Variants in AGAP1 observed in about 807,000 individuals in gnomAD.
The protein encoded by AGAP1 is arf-GAP with GTPase, ANK repeat and PH domain-containing protein 1.
AGAP1 carries 29 observed loss-of-function variants against 105.3 expected under a neutral mutation model. The observed-to-expected ratio is 0.28, with a 90% CI of 0.21 to 0.38. The LOEUF is 0.38. AGAP1 is among the 10% of genes least tolerant of loss of function. The pLI, the probability that AGAP1 is intolerant of heterozygous loss-of-function variation, is 1.00. For synonymous variants in AGAP1, 509 were observed against 485.9 expected (o/e 1.05, Z -0.63); for missense variants, 998 against 1,165.1 (o/e 0.86, Z 2.09).
chr2:235,893,281 G>A lies in AGAP1; in HGVS notation c.1155+9832G>A, dbSNP rs1320476422. Among the ~76,000 whole-genome samples the A allele has an allele frequency of 6.7e-6, 1 of 149,868 alleles. No homozygotes were observed. Among genetic ancestry groups the A allele is most frequent in the East Asian group, 2.0e-4 (1 of 4,940 alleles). Reference sequence around the variant, plus strand: ...ATCATAAGGAAGCGCCGTGTCTGTAGCGTGGGTGTAGCGTGTCTGTGGCGC... The same window carrying A: ...ATCATAAGGAAGCGCCGTGTCTGTAACGTGGGTGTAGCGTGTCTGTGGCGC... On this transcript the variant is annotated intron_variant, in intron 10 of 17. Coordinates refer to ENST00000304032, the MANE Select transcript of AGAP1 (RefSeq NM_001037131.3). The surrounding 1 kb of genome is among the most constrained non-coding windows in gnomAD (Gnocchi z 4.7).
intron 1 of AGAP1, among the ~76,000 whole-genome samples, chr2:235,605,262 C>T (rs1215090123): frequency 1.3e-5 from 2 of 152,192 alleles, no homozygotes; most frequent in Non-Finnish European, 2.9e-5. Flanking sequence ...TTTTCACATT[C>T]CAGGTGCTGA....
chr2:236,130,217 G>T lies in AGAP1; in HGVS notation c.*6095G>T, dbSNP rs2060064461. On this transcript the variant is annotated 3_prime_UTR_variant, in exon 18 of 18. Coordinates refer to ENST00000304032, the MANE Select transcript of AGAP1 (RefSeq NM_001037131.3). This position sits in a 1 kb window ranked among gnomAD's most constrained non-coding sequence, Gnocchi z 5.8. The stretch of plus-strand genomic sequence containing the variant: ...AAACAGGATATCCTCATGAATGTGA[G>T]GAGAGGCTGGCTCAGGGCTTGGTTT... 6.6e-6 allele frequency: 1 copy of T among 152,270 alleles called. No individual in the cohort carries two copies. Among genetic ancestry groups the T allele is most frequent in the South Asian group, 2.1e-4 (1 of 4,836 alleles). 9.4% of individuals were successfully genotyped at this position (152,270 alleles called of 1,614,324 possible).
intron 1 of AGAP1, among the ~76,000 whole-genome samples, chr2:235,584,662 T>G (rs1169792652): frequency 1.3e-5 from 2 of 151,766 alleles, no homozygotes; most frequent in African/African-American, 4.8e-5. Context: ...CCTTGATTTT[T>G]GAACTTCTGG....
intron 1 of AGAP1, among the ~76,000 whole-genome samples, chr2:235,688,197 C>T (rs539181553): frequency 6.6e-6 from 1 of 152,302 alleles, no homozygotes; most frequent in South Asian, 2.1e-4. Flanking sequence ...TGAGCCACCA[C>T]GCCCAGCCTT....
At chr2:236,070,776 G>A (rs934778513) in intron 16 of AGAP1, among the ~76,000 whole-genome samples, 7 of 152,178 alleles carry the variant, frequency 4.6e-5, no homozygotes, top group African/African-American at 9.7e-5. Flanking sequence ...GCCGGGGCAG[G>A]GGCGGGGAGG....
At chr2:235,565,241 A>G (rs1008544186) in intron 1 of AGAP1, among the ~76,000 whole-genome samples, 3 of 152,046 alleles carry the variant, frequency 2.0e-5, no homozygotes, top group Non-Finnish European at 4.4e-5. Flanking sequence ...TCCCAGGGCC[A>G]GGTGTGAGCC....
At chr2:236,088,102 G>A (rs1435646898) in intron 16 of AGAP1, among the ~76,000 whole-genome samples, 2 of 152,296 alleles carry the variant, frequency 1.3e-5, no homozygotes, top group African/African-American at 4.8e-5. Flanking sequence ...CTTCACCAAT[G>A]TGCCTTTCAT....
chr2:235,836,945 A>T (rs1317742673), intron 9 of AGAP1, among the ~76,000 whole-genome samples: 1 of 151,042 alleles, frequency 6.6e-6, no homozygotes, highest in Non-Finnish European at 1.5e-5. Flanking sequence ...CAACTCAGGC[A>T]GCTGGATGGA....
At chr2:235,499,084 G>A (rs1199068321) in intron 1 of AGAP1, among the ~76,000 whole-genome samples, 2 of 152,298 alleles carry the variant, frequency 1.3e-5, no homozygotes, top group Admixed American at 1.3e-4. Flanking sequence ...GTACACAGAC[G>A]CACTGCTGAG....
At chr2:235,605,980 T>G (rs1448943725) in intron 1 of AGAP1, among the ~76,000 whole-genome samples, 1 of 152,270 alleles carries the variant, frequency 6.6e-6, no homozygotes, top group Non-Finnish European at 1.5e-5. Context: ...CTTTTCTTTC[T>G]ACTTTTTAAG....
At position 235,630,781 on chromosome 2, in the gene AGAP1, C is replaced by A. The variant is rs368292765; in HGVS notation, c.164-78398C>A. Among the ~76,000 whole-genome samples, 4 of 152,196 alleles carry A rather than the reference C, an allele frequency of 2.6e-5. No homozygotes were observed. In the South Asian group the frequency reaches 8.3e-4, roughly 31 times the overall value. On this transcript the variant is annotated intron_variant, in intron 1 of 17. Coordinates refer to ENST00000304032, the MANE Select transcript of AGAP1 (RefSeq NM_001037131.3). ...CATTTGTCCTTCATCGGAACAGGAC[C>A]ACCCTCCCTTGGCTGCCACCATGGC...
intron 10 of AGAP1, among the ~76,000 whole-genome samples, chr2:235,884,640 G>C (rs925935600): frequency 2.0e-5 from 3 of 151,958 alleles, no homozygotes; most frequent in East Asian, 3.9e-4. Flanking sequence ...TTTTAGTAGA[G>C]ACGTGGTTTC....
At position 235,623,831 on chromosome 2, in the gene AGAP1, G is replaced by A. The variant is rs1946558827; in HGVS notation, c.164-85348G>A. On this transcript the variant is annotated intron_variant, in intron 1 of 17. Coordinates refer to ENST00000304032, the MANE Select transcript of AGAP1 (RefSeq NM_001037131.3). This position sits in a 1 kb window ranked among gnomAD's most constrained non-coding sequence, Gnocchi z 4.5. ...TTATGGAATGCTTAGTATTTGTAAT[G>A]CAACAAAAGGTCAGAATTAATAAGG... Among the ~76,000 whole-genome samples the A allele has an allele frequency of 6.6e-6, 1 of 152,016 alleles. No individual in the cohort carries two copies. The highest frequency in any genetic ancestry group is 2.1e-4 in the South Asian group (1 of 4,800).
chr2:235,784,598 C>CAAAAA (rs71400786), intron 6 of AGAP1, among the ~76,000 whole-genome samples: 2 of 124,456 alleles, frequency 1.6e-5, no homozygotes, highest in Non-Finnish European at 1.6e-5. Context: ...CTTATTAAAG[C>CAAAAA]AAAAAAAAAA....
At chr2:235,504,082 C>G (rs1179994595) in intron 1 of AGAP1, among the ~76,000 whole-genome samples, 1 of 152,030 alleles carries the variant, frequency 6.6e-6, no homozygotes, top group Non-Finnish European at 1.5e-5. Context: ...TGGGGTCTCG[C>G]TATGTTGCCT....
intron 15 of AGAP1, 57 bp from the exon 16 acceptor site, chr2:236,049,002 G>A: frequency 6.7e-7 from 1 of 1,496,102 alleles, no homozygotes; most frequent in South Asian, 1.2e-5. Context: ...TCTAAGAACG[G>A]TTGGAATGAT....
rs143714801 is a variant in AGAP1 at position 235,728,301 on chromosome 2, C to CTG, written c.310+10682_310+10683dup. ...ATCTGAAAAGGACTGGGCCCAGACTCTGTGTGTGTGTGTGTGTGTGTGTGT... is the reference window on the plus strand; with the variant it reads ...ATCTGAAAAGGACTGGGCCCAGACTCTGTGTGTGTGTGTGTGTGTGTGTGTGT... On this transcript the variant is annotated intron_variant, in intron 3 of 17. Coordinates refer to ENST00000304032, the MANE Select transcript of AGAP1 (RefSeq NM_001037131.3). The surrounding 1 kb of genome is among the most constrained non-coding windows in gnomAD (Gnocchi z 4.3). 0.29 allele frequency among the ~76,000 whole-genome samples: 43,720 copies of CTG among 148,448 alleles called. 6,562 individuals are homozygous for CTG. Among genetic ancestry groups the CTG allele is most frequent in the Non-Finnish European group, 0.34 (23,036 of 67,022 alleles).
At chr2:235,968,184 T>C (rs1402440229) in intron 12 of AGAP1, among the ~76,000 whole-genome samples, 1 of 152,180 alleles carries the variant, frequency 6.6e-6, no homozygotes, top group African/African-American at 2.4e-5. Flanking sequence ...GCTCCAGTCA[T>C]GCAGAGGAGA....
rs148639079 is a variant in AGAP1, at chr2:235,986,302, T to G, written c.1645+17679T>G. Among the ~76,000 whole-genome samples, 659 of 152,312 alleles carry G rather than the reference T, an allele frequency of 4.3e-3. 18 individuals carry two copies. The East Asian group carries it at 0.053, about 12-fold the overall frequency. On this transcript the variant is annotated intron_variant, in intron 13 of 17. Coordinates refer to ENST00000304032, the MANE Select transcript of AGAP1 (RefSeq NM_001037131.3). Reference sequence around the variant, plus strand: ...TGTTGGTGTAAAGGAATGCTTGTGATTTTTGCACATTTATTTTGTATATCC... The same window carrying G: ...TGTTGGTGTAAAGGAATGCTTGTGAGTTTTGCACATTTATTTTGTATATCC...
Sources: allele counts gnomAD v4.1 joint callset (sites outside exome capture counted in the v4.1 genomes callset), GRCh38; gene constraint gnomAD v4.1.1; non-coding constraint Gnocchi (gnomAD v3.1); transcripts MANE v1.5; gene names NCBI Gene and HGNC (gene_info 2026-07-23, HGNC 2026-07-21).